Variants in TNFSF11 observed in about 807,000 individuals in gnomAD.
TNFSF11 encodes the protein tumor necrosis factor ligand superfamily member 11.
In TNFSF11, 12 loss-of-function variants were observed where a neutral mutation model predicts 32.2. The ratio of observed to expected loss-of-function variants is 0.37; its 90% CI spans 0.24 to 0.60. The LOEUF (loss-of-function observed/expected upper bound fraction) is 0.60, where lower values mean the gene tolerates loss of function less well. TNFSF11 is among the 20% of genes least tolerant of loss of function. The probability of loss-of-function intolerance (pLI) is 0.66; values close to 1 mark genes in which losing one functional copy is unlikely to be tolerated. For synonymous variants in TNFSF11, 172 were observed against 152.1 expected, an observed-to-expected ratio of 1.13 and a Z score of -0.96; for missense variants, 345 against 398.0, an observed-to-expected ratio of 0.87 and a Z score of 1.13.
chr13:42,599,349 C>CATCCATCTATCT lies in TNFSF11; in HGVS notation c.388-1400_388-1399insCATCTATCTATC, dbSNP rs1555310745. Among the ~76,000 whole-genome samples the CATCCATCTATCT allele has an allele frequency of 5.3e-3, 593 of 112,246 alleles. 3 individuals carry two copies. The highest frequency in any genetic ancestry group is 0.012 in the South Asian group (33 of 2,810). The allele number at this position is 112,246 out of a possible 152,430, so 73.6% of individuals were successfully genotyped here. A position where few individuals can be genotyped will look rare whatever the true frequency, so the allele number is the denominator to read the frequency against. On this transcript the variant is annotated intron_variant, in intron 2 of 4. Coordinates refer to ENST00000398795, the MANE Select transcript of TNFSF11 (RefSeq NM_003701.4). ...TCTATCTATCTATCTATCTATCTAT[C>CATCCATCTATCT]ATCTATCTATCTATCTATCTATCTA...
Sources: allele counts gnomAD v4.1 joint callset (sites outside exome capture counted in the v4.1 genomes callset), GRCh38; gene constraint gnomAD v4.1.1; transcripts MANE v1.5; gene names NCBI Gene and HGNC (gene_info 2026-07-23, HGNC 2026-07-21).